TRIP11: variants seen among roughly 807,000 people sequenced by gnomAD.
The protein encoded by TRIP11 is thyroid receptor-interacting protein 11.
A neutral mutation model predicts 223.1 loss-of-function variants in TRIP11; 148 were observed. The observed-to-expected ratio is 0.66, with a 90% CI of 0.58 to 0.76. TRIP11 has a LOEUF of 0.76. Ranked by LOEUF, TRIP11 falls within the 30% of genes least tolerant of loss-of-function variation. The pLI is 0.00. For missense variants in TRIP11, 2,043 were observed against 2,222.0 expected (o/e 0.92, Z 1.62); for synonymous variants, 762 against 772.6 (o/e 0.99, Z 0.23).
chr14:91,986,298 C>G (rs2056603373), intron 16 of TRIP11, among the ~76,000 whole-genome samples: 1 of 152,134 alleles, frequency 6.6e-6, no homozygotes, highest in African/African-American at 2.4e-5. Context: ...TTGAGTATCC[C>G]TTACCCAAAA....
chr14:92,026,416 G>A, intron 2 of TRIP11: 1 of 598,288 alleles, frequency 1.7e-6, no homozygotes, highest in Non-Finnish European at 3.0e-6. Context: ...AGAACATAAT[G>A]GGGCGCCCCA....
At chr14:92,039,462 C>G in intron 1 of TRIP11, 85 bp downstream of exon 1, 1 of 1,464,054 alleles carries the variant, frequency 6.8e-7, no homozygotes, top group Non-Finnish European at 9.5e-7. Context: ...GACCTGTCCG[C>G]GTCTCCTGAC....
intron 16 of TRIP11, among the ~76,000 whole-genome samples, chr14:91,984,120 C>T (rs1793526637): frequency 6.6e-6 from 1 of 151,960 alleles, no homozygotes; most frequent in Admixed American, 6.6e-5. Context: ...ATCAGTTATG[C>T]TGCCCTTTCA....
At chr14:92,011,557 C>A (rs2056974100) in intron 8 of TRIP11, among the ~76,000 whole-genome samples, 198 bp downstream of exon 8, 1 of 148,432 alleles carries the variant, frequency 6.7e-6, no homozygotes. Context: ...ACCAGTCATG[C>A]ATTTTCGACA....
At position 92,039,736 on chromosome 14, in the gene TRIP11, T is replaced by C. The variant is rs1941955743; in HGVS notation, c.-51A>G. 1.3e-6 allele frequency: 2 copies of C among 1,579,372 alleles called. No homozygotes were observed. Among genetic ancestry groups the C allele is most frequent in the African/African-American group, 1.3e-5 (1 of 74,426 alleles). On this transcript the variant is annotated 5_prime_UTR_variant, in exon 1 of 21. Transcript: ENST00000267622. ...GTCCGCTCGGAAAAAAGAAAACGTT[T>C]AGCGCCGCCGGGCGATCCGACCAAA...
intron 1 of TRIP11, among the ~76,000 whole-genome samples, chr14:92,038,298 AC>A (rs1314434499): frequency 1.3e-5 from 2 of 152,088 alleles, no homozygotes; most frequent in Admixed American, 6.6e-5. Flanking sequence ...GGAACAGCCA[AC>A]CGTTTTCCCC....
At chr14:92,025,231 C>T (rs2057166273) in intron 3 of TRIP11, 79 bp downstream of exon 3, 3 of 1,115,322 alleles carry the variant, frequency 2.7e-6, no homozygotes, top group Non-Finnish European at 4.0e-6. Flanking sequence ...GAATATACCT[C>T]GATTTATATT....
At chr14:92,001,168 G>C (rs918507739) in intron 11 of TRIP11, among the ~76,000 whole-genome samples, 1 of 151,904 alleles carries the variant, frequency 6.6e-6, no homozygotes, top group Non-Finnish European at 1.5e-5. Context: ...GTCTACAGCC[G>C]TTTCTTTTCT....
At position 91,993,724 on chromosome 14, in the gene TRIP11, T is replaced by C. The variant is rs961274315; in HGVS notation, c.5160+85A>G. On this transcript the variant is annotated intron_variant, in intron 15 of 20. Transcript: ENST00000267622. Reference sequence around the variant, plus strand: ...TAGAAAATTTACTAAATGAACAGTTTAGGAGATTATTTCCAAGACAAAGAC... The same window carrying C: ...TAGAAAATTTACTAAATGAACAGTTCAGGAGATTATTTCCAAGACAAAGAC... The C allele has an allele frequency of 1.5e-5, 16 of 1,103,040 alleles. No individual in the cohort carries two copies. In the Admixed American group the frequency reaches 3.1e-4, roughly 21 times the overall value. The allele number at this position is 1,103,040 out of a possible 1,614,324, so 68.3% of individuals were successfully genotyped here. A position where few individuals can be genotyped will look rare whatever the true frequency, so the allele number is the denominator to read the frequency against.
In TRIP11 at chr14:91,969,583, T is replaced by A. The variant is rs1003356588; in HGVS notation, c.*90A>T. ...ATAATTGCGAACAAATACATGACTT[T>A]CTCCCCAAAGGCCACTTTGTGATAA... is the stretch of plus-strand genomic sequence containing the variant. On this transcript the variant is annotated 3_prime_UTR_variant, in exon 21 of 21. Coordinates refer to ENST00000267622, the MANE Select transcript of TRIP11 (RefSeq NM_004239.4). The A allele has an allele frequency of 7.0e-6, 9 of 1,291,732 alleles. No individual in the cohort carries two copies. The African/African-American group carries it at 1.2e-4, about 17-fold the overall frequency. The allele number at this position is 1,291,732 out of a possible 1,614,324, so 80.0% of individuals were successfully genotyped here. A position where few individuals can be genotyped will look rare whatever the true frequency, so the allele number is the denominator to read the frequency against.
At position 91,969,565 on chromosome 14, in the gene TRIP11, C is replaced by T. The variant is rs1219563945; in HGVS notation, c.*108G>A. ...ATTAAATTCAGAGAAAGCATAATTG[C>T]GAACAAATACATGACTTTCTCCCCA... On this transcript the variant is annotated 3_prime_UTR_variant, in exon 21 of 21. Transcript: ENST00000267622. 14 of 1,094,824 alleles carry T rather than the reference C, an allele frequency of 1.3e-5. No homozygotes were observed. Among genetic ancestry groups the T allele is most frequent in the African/African-American group, 4.6e-5 (3 of 64,998 alleles). The allele number at this position is 1,094,824 out of a possible 1,614,324, so 67.8% of individuals were successfully genotyped here. A position where few individuals can be genotyped will look rare whatever the true frequency, so the allele number is the denominator to read the frequency against.
chr14:91,995,049 T>C (rs2056731692), intron 14 of TRIP11, among the ~76,000 whole-genome samples: 1 of 140,498 alleles, frequency 7.1e-6, no homozygotes, highest in Non-Finnish European at 1.6e-5. Flanking sequence ...TACTTGATCA[T>C]CTTTCCTTGT....
chr14:92,033,849 G>C (rs1188509451), intron 1 of TRIP11, among the ~76,000 whole-genome samples: 1 of 152,118 alleles, frequency 6.6e-6, no homozygotes, highest in African/African-American at 2.4e-5. Context: ...AGGGAGAGTT[G>C]TGTATTTGTT....
chr14:92,013,547 A>G (rs967004207), intron 7 of TRIP11, among the ~76,000 whole-genome samples: 3 of 152,226 alleles, frequency 2.0e-5, no homozygotes, highest in Non-Finnish European at 4.4e-5. Context: ...AACATAGGCA[A>G]AAAGCAATTA....
At chr14:92,009,313 G>A (rs916261502) in intron 9 of TRIP11, among the ~76,000 whole-genome samples, 47 of 152,198 alleles carry the variant, frequency 3.1e-4, no homozygotes, top group African/African-American at 1.0e-3. Flanking sequence ...AGATTACAGC[G>A]TGAGCCACCA....
intron 17 of TRIP11, among the ~76,000 whole-genome samples, chr14:91,975,597 G>A (rs1289527184): frequency 6.6e-6 from 1 of 152,006 alleles, no homozygotes; most frequent in Non-Finnish European, 1.5e-5. Flanking sequence ...TCCTGACTGG[G>A]CTAATGTTCA....
intron 11 of TRIP11, among the ~76,000 whole-genome samples, chr14:92,001,092 C>G (rs1355975068): frequency 6.6e-6 from 1 of 152,022 alleles, no homozygotes; most frequent in Non-Finnish European, 1.5e-5. Context: ...AACTCCTGTC[C>G]TCAGGGGATC....
Position 92,039,868 on chromosome 14 carries a change from G to T in TRIP11, c.-183C>A. The T allele has an allele frequency of 7.8e-7, 1 of 1,289,256 alleles. No homozygotes were observed. 79.9% of individuals were successfully genotyped at this position (1,289,256 alleles called of 1,614,324 possible). ...CCTAGAAACGCAGAGGCCTGGCCTG[G>T]AATTTTACCAGGGGCCCGCCTCTAG... On this transcript the variant is annotated 5_prime_UTR_variant, in exon 1 of 21. Transcript: ENST00000267622.
Position 92,014,333 on chromosome 14 carries a change from TTC to T in TRIP11, c.1066_1067del (p.Glu356MetfsTer2), listed in dbSNP as rs1450640566. 3 of 1,613,972 alleles carry T rather than the reference TTC, an allele frequency of 1.9e-6. No individual in the cohort carries two copies. The highest frequency in any genetic ancestry group is 2.5e-6 in the Non-Finnish European group (3 of 1,180,014). On this transcript the variant is annotated frameshift_variant, in exon 7 of 21. Transcript: ENST00000267622. LOFTEE classifies it high-confidence loss of function. ...IMEECENLKL[E>X]CSKLQPSAVK... ...CAGCAGAAGGCTGCAATTTACTACA[TTC>T]CAATTTCAAGTTTTCACATTCTTCC...
Sources: allele counts gnomAD v4.1 joint callset (sites outside exome capture counted in the v4.1 genomes callset), GRCh38; gene constraint gnomAD v4.1.1; transcripts MANE v1.5; gene names NCBI Gene and HGNC (gene_info 2026-07-23, HGNC 2026-07-21).